Variants in RASA3 observed in about 807,000 individuals in gnomAD.
RASA3 encodes RAS p21 protein activator 3, also known as ras GTPase-activating protein 3.
A neutral mutation model predicts 110.0 loss-of-function variants in RASA3; 73 were observed. That is an observed-to-expected ratio of 0.66 (90% CI 0.55 to 0.81). RASA3 has a LOEUF of 0.81. Ranked by LOEUF, RASA3 falls within the 30% of genes least tolerant of loss-of-function variation. The pLI is 0.00. For synonymous variants in RASA3, 500 were observed against 451.4 expected (o/e 1.11, Z -1.37); for missense variants, 976 against 1,113.2 (o/e 0.88, Z 1.75).
chr13:114,036,538 C>T (rs1332151183), intron 4 of RASA3, among the ~76,000 whole-genome samples: 1 of 151,808 alleles, frequency 6.6e-6, no homozygotes, highest in Non-Finnish European at 1.5e-5. Flanking sequence ...TTTTTTTCTT[C>T]TTCTTCTTCT....
At chr13:114,101,246 A>G (rs2080056835) in intron 1 of RASA3, among the ~76,000 whole-genome samples, 1 of 152,246 alleles carries the variant, frequency 6.6e-6, no homozygotes, top group Non-Finnish European at 1.5e-5. Context: ...TTCAGAGGGA[A>G]GGGAAGGGAA....
At chr13:114,118,880 C>G (rs2080329608) in intron 1 of RASA3, among the ~76,000 whole-genome samples, 2 of 152,360 alleles carry the variant, frequency 1.3e-5, no homozygotes, top group South Asian at 4.1e-4. Flanking sequence ...AGAGGGAAGC[C>G]TTGGGTGTGG....
intron 1 of RASA3, among the ~76,000 whole-genome samples, chr13:114,100,751 G>T (rs150887687): frequency 6.6e-6 from 1 of 152,140 alleles, no homozygotes; most frequent in Admixed American, 6.5e-5. Flanking sequence ...CCAGCCGTTT[G>T]GGAACTGTGT....
At chr13:114,078,775 CAG>C (rs1443871161) in intron 1 of RASA3, among the ~76,000 whole-genome samples, 1 of 152,260 alleles carries the variant, frequency 6.6e-6, no homozygotes, top group African/African-American at 2.4e-5. Context: ...GCTGCACCCT[CAG>C]GGTGAGCACA....
chr13:114,100,581 G>C (rs1395749319), intron 1 of RASA3, among the ~76,000 whole-genome samples: 2 of 152,238 alleles, frequency 1.3e-5, no homozygotes, highest in African/African-American at 4.8e-5. Context: ...CAAGACAAGT[G>C]CAGCAGCCGG....
intron 22 of RASA3, among the ~76,000 whole-genome samples, chr13:113,989,220 T>C (rs1403098839): frequency 8.0e-6 from 1 of 124,520 alleles, no homozygotes; most frequent in African/African-American, 3.1e-5. Flanking sequence ...CATCCACCCA[T>C]CTACCCATCC....
At chr13:114,019,235 C>T (rs2053863179) in intron 9 of RASA3, among the ~76,000 whole-genome samples, 1 of 152,218 alleles carries the variant, frequency 6.6e-6, no homozygotes, top group African/African-American at 2.4e-5. Flanking sequence ...CGCCCTAAGA[C>T]CCACACCCAG....
intron 9 of RASA3, among the ~76,000 whole-genome samples, chr13:114,019,476 A>T (rs929498458): frequency 6.6e-6 from 1 of 152,218 alleles, no homozygotes; most frequent in Non-Finnish European, 1.5e-5. Flanking sequence ...CTAAGCTCTC[A>T]GGTGGGTGGA....
At chr13:114,063,818 C>G (rs147856009) in intron 2 of RASA3, among the ~76,000 whole-genome samples, 1,782 of 152,312 alleles carry the variant, frequency 0.012, 27 homozygotes, top group African/African-American at 0.041. Context: ...AGTGTCCACC[C>G]CCAGCATACG....
At chr13:114,127,574 T>TC (rs982444515) in intron 1 of RASA3, among the ~76,000 whole-genome samples, 3 of 151,616 alleles carry the variant, frequency 2.0e-5, no homozygotes, top group Non-Finnish European at 2.9e-5. Flanking sequence ...CCTCCATGAT[T>TC]CCCCCCATTC....
intron 12 of RASA3, 23 bp from the exon 13 acceptor site, chr13:114,016,294 G>C (rs926232357): frequency 1.3e-6 from 2 of 1,537,544 alleles, no homozygotes; most frequent in African/African-American, 2.7e-5. Flanking sequence ...TTAAGACAGG[G>C]CTCTGTGAGT....
At chr13:114,076,304 T>C (rs1284317160) in intron 1 of RASA3, among the ~76,000 whole-genome samples, 1 of 152,166 alleles carries the variant, frequency 6.6e-6, no homozygotes, top group Non-Finnish European at 1.5e-5. Flanking sequence ...TATTTCCTGA[T>C]AGGCACTGGA....
rs747132566 is a variant in RASA3, at chr13:114,027,869, C to T, written c.508G>A (p.Val170Met). 4 of 1,613,970 alleles carry T rather than the reference C, an allele frequency of 2.5e-6. No homozygotes were observed. Among genetic ancestry groups the T allele is most frequent in the African/African-American group, 1.3e-5 (1 of 75,050 alleles). The change falls in exon 6 of 24, where the codon GTG becomes ATG. Residue 170 changes from valine (V) to methionine (M), a missense_variant. Coordinates refer to ENST00000334062, the MANE Select transcript of RASA3 (RefSeq NM_007368.4). The part of the protein sequence containing the change: ...VNGQCDPYAT[V>M]TLAGPFRSEA... ...TGCCTGAAGGGTCCTGCCAGCGTCACGGTGGCGTAGGGGTCACATTGCCCA... is the reference window on the plus strand; with the variant it reads ...TGCCTGAAGGGTCCTGCCAGCGTCATGGTGGCGTAGGGGTCACATTGCCCA...
chr13:114,031,983 C>T (rs748234208), intron 4 of RASA3, among the ~76,000 whole-genome samples: 8 of 152,172 alleles, frequency 5.3e-5, no homozygotes, highest in East Asian at 1.9e-4. Flanking sequence ...AAAAAACCTT[C>T]GAGTTCCTTC....
chr13:114,103,250 G>A (rs1415812355), intron 1 of RASA3, among the ~76,000 whole-genome samples: 1 of 152,124 alleles, frequency 6.6e-6, no homozygotes, highest in Non-Finnish European at 1.5e-5. Flanking sequence ...CCTGGCCCAA[G>A]TCGGGAGAGA....
At chr13:113,992,784 G>A (rs2053149680) in intron 21 of RASA3, among the ~76,000 whole-genome samples, 196 bp from the exon 22 acceptor site, 1 of 152,254 alleles carries the variant, frequency 6.6e-6, no homozygotes, top group South Asian at 2.1e-4. Context: ...AGCGTCCACA[G>A]CAGCACGGAC....
chr13:114,063,011 C>T (rs2079388494), intron 2 of RASA3, among the ~76,000 whole-genome samples: 1 of 152,128 alleles, frequency 6.6e-6, no homozygotes, highest in East Asian at 1.9e-4. Flanking sequence ...GGCTGCAGGC[C>T]GGAAACTGGA....
chr13:114,095,547 AT>A (rs1193485872), intron 1 of RASA3, among the ~76,000 whole-genome samples: 1 of 152,152 alleles, frequency 6.6e-6, no homozygotes, highest in African/African-American at 2.4e-5. Context: ...AGATTTTTCC[AT>A]GCTGTAGTCT....
rs1594276112 is a variant in RASA3 at position 113,988,541 on chromosome 13, C to T, written c.2245+3944G>A. Among the ~76,000 whole-genome samples the T allele has an allele frequency of 4.4e-5, 2 of 45,514 alleles. 1 individual carries two copies. Among genetic ancestry groups the T allele is most frequent in the Non-Finnish European group, 7.5e-5 (2 of 26,688 alleles). 29.9% of individuals were successfully genotyped at this position (45,514 alleles called of 152,430 possible). On this transcript the variant is annotated intron_variant, in intron 22 of 23. Transcript: ENST00000334062. ...CATCTGTCCATCCACCTATCACTCA[C>T]CCATCCATCCATCCACCATCACTCA... is the stretch of plus-strand genomic sequence containing the variant.
Sources: allele counts gnomAD v4.1 joint callset (sites outside exome capture counted in the v4.1 genomes callset), GRCh38; gene constraint gnomAD v4.1.1; transcripts MANE v1.5; gene names NCBI Gene and HGNC (gene_info 2026-07-23, HGNC 2026-07-21).